The following TAS2R1 variants were observed in gnomAD, a reference collection of about 807,000 sequenced individuals.
The protein encoded by TAS2R1 is taste receptor type 2 member 1.
For synonymous variants in TAS2R1, 141 were observed against 134.2 expected, an observed-to-expected ratio of 1.05 and a Z score of -0.35; for missense variants, 370 against 353.4, an observed-to-expected ratio of 1.05 and a Z score of -0.38.
At chr5:9,830,215 A>G in the TAS2R1 span, among the ~76,000 whole-genome samples, 299 of 95,456 alleles carry the variant, frequency 3.1e-3, no homozygotes, top group African/African-American at 5.2e-3. Context: ...ATGGATAGAC[A>G]GATAGACAGA....
At chr5:9,871,785 A>G in the TAS2R1 span, among the ~76,000 whole-genome samples, 1 of 152,188 alleles carries the variant, frequency 6.6e-6, no homozygotes, top group Non-Finnish European at 1.5e-5. Context: ...GGGCTGCACT[A>G]GTTGCCATTG....
chr5:9,751,918 G>A, the TAS2R1 span, among the ~76,000 whole-genome samples: 1 of 152,096 alleles, frequency 6.6e-6, no homozygotes, highest in Non-Finnish European at 1.5e-5. Flanking sequence ...TTCTAATTGG[G>A]TCCTTGACTA....
the TAS2R1 span, among the ~76,000 whole-genome samples, chr5:9,880,892 A>G: frequency 6.6e-6 from 1 of 152,158 alleles, no homozygotes; most frequent in Non-Finnish European, 1.5e-5. Context: ...CATGTCAGCC[A>G]TCCCTCCTCA....
At chr5:9,710,346 T>G (rs376468378) in intron 1 of TAS2R1, among the ~76,000 whole-genome samples, 2 of 152,224 alleles carry the variant, frequency 1.3e-5, no homozygotes, top group East Asian at 3.8e-4. Context: ...AAGAGTATGC[T>G]CTCCAATTCA....
the TAS2R1 span, among the ~76,000 whole-genome samples, chr5:9,823,500 A>AGGAAGG: frequency 7.7e-4 from 86 of 112,384 alleles, 1 homozygote; most frequent in Middle Eastern, 6.9e-3. Context: ...GAAGGGGAAG[A>AGGAAGG]GGAAGGGGAA....
chr5:9,841,090 C>T, the TAS2R1 span, among the ~76,000 whole-genome samples: 65 of 152,118 alleles, frequency 4.3e-4, 1 homozygote, highest in Admixed American at 1.1e-3. Flanking sequence ...ATCTAACTTC[C>T]ATCATATTCA....
chr5:9,665,704 A>G (rs2126498704), intron 1 of TAS2R1, among the ~76,000 whole-genome samples: 1 of 152,328 alleles, frequency 6.6e-6, no homozygotes, highest in East Asian at 1.9e-4. Flanking sequence ...GTCTGCCTCT[A>G]GGGTTGTTAT....
At chr5:9,672,063 G>A (rs1364652377) in intron 1 of TAS2R1, among the ~76,000 whole-genome samples, 1 of 152,132 alleles carries the variant, frequency 6.6e-6, no homozygotes, top group Non-Finnish European at 1.5e-5. Flanking sequence ...TTCAATAAAT[G>A]ATGGTGGGAT....
the TAS2R1 span, among the ~76,000 whole-genome samples, chr5:9,863,328 C>A: frequency 6.8e-6 from 1 of 146,040 alleles, no homozygotes; most frequent in Non-Finnish European, 1.5e-5. Context: ...AGTGCAGTAG[C>A]GTGATGATCT....
chr5:9,639,500 C>G (rs1378878035), intron 2 of TAS2R1, among the ~76,000 whole-genome samples: 2 of 152,100 alleles, frequency 1.3e-5, no homozygotes, highest in East Asian at 3.9e-4. Context: ...CAGCACGCCA[C>G]TCTTTCAAAG....
intron 1 of TAS2R1, among the ~76,000 whole-genome samples, chr5:9,686,029 G>C (rs111274199): frequency 0.06 from 9,112 of 151,902 alleles, 309 homozygotes; most frequent in Middle Eastern, 0.099. Context: ...TTATGCCCAG[G>C]TAATTTTATA....
chr5:9,830,226 C>T, the TAS2R1 span, among the ~76,000 whole-genome samples: 161 of 136,118 alleles, frequency 1.2e-3, no homozygotes, highest in Admixed American at 2.4e-3. Context: ...GATAGACAGA[C>T]AGACAGACAG....
At chr5:9,657,176 T>A (rs551917814) in intron 2 of TAS2R1, among the ~76,000 whole-genome samples, 2 of 152,278 alleles carry the variant, frequency 1.3e-5, no homozygotes, top group South Asian at 4.1e-4. Context: ...AAATTATGCA[T>A]GAGTTTTTTT....
chr5:9,876,087 G>C, the TAS2R1 span, among the ~76,000 whole-genome samples: 1 of 152,068 alleles, frequency 6.6e-6, no homozygotes, highest in African/African-American at 2.4e-5. Context: ...CCTAGCATCT[G>C]CAGCCCAGGA....
At chr5:9,867,487 G>A in the TAS2R1 span, among the ~76,000 whole-genome samples, 3 of 152,092 alleles carry the variant, frequency 2.0e-5, no homozygotes, top group African/African-American at 7.2e-5. Flanking sequence ...CAGATCTCAT[G>A]AGACTTATTC....
At chr5:9,841,381 TTACA>T in the TAS2R1 span, among the ~76,000 whole-genome samples, 1 of 152,214 alleles carries the variant, frequency 6.6e-6, no homozygotes, top group Non-Finnish European at 1.5e-5. Flanking sequence ...GTTTCTTTAC[TTACA>T]TACATTCAGC....
the TAS2R1 span, among the ~76,000 whole-genome samples, chr5:9,815,032 A>G: frequency 2.0e-4 from 30 of 152,226 alleles, no homozygotes; most frequent in African/African-American, 6.8e-4. Context: ...TGGTGAACAC[A>G]TGGGTGATGT....
At chr5:9,822,379 T>C in the TAS2R1 span, among the ~76,000 whole-genome samples, 1 of 138,616 alleles carries the variant, frequency 7.2e-6, no homozygotes, top group Admixed American at 8.1e-5. Flanking sequence ...AGACGGAGGC[T>C]CACTCTGTTG....
intron 1 of TAS2R1, among the ~76,000 whole-genome samples, chr5:9,682,164 C>A: frequency 6.6e-6 from 1 of 152,084 alleles, no homozygotes; most frequent in Non-Finnish European, 1.5e-5. Context: ...TAGGTTAATA[C>A]CTAACACTAT....
Sources: allele counts gnomAD v4.1 joint callset (sites outside exome capture counted in the v4.1 genomes callset), GRCh38; gene constraint gnomAD v4.1.1; transcripts MANE v1.5; gene names NCBI Gene and HGNC (gene_info 2026-07-23, HGNC 2026-07-21).